HS3ST4: variants seen among roughly 807,000 people sequenced by gnomAD.
HS3ST4 encodes heparan sulfate glucosamine 3-O-sulfotransferase 4.
A neutral mutation model predicts 29.2 loss-of-function variants in HS3ST4; 17 were observed. The observed-to-expected ratio is 0.58, with a 90% CI of 0.40 to 0.87. The LOEUF (loss-of-function observed/expected upper bound fraction) is 0.87. Ranked by LOEUF, HS3ST4 falls within the 40% of genes least tolerant of loss-of-function variation. The pLI is 0.00. For synonymous variants in HS3ST4, 314 were observed against 285.7 expected, an observed-to-expected ratio of 1.10 and a Z score of -1.00; for missense variants, 627 against 634.5, an observed-to-expected ratio of 0.99 and a Z score of 0.13.
At chr16:25,825,298 G>T (rs1421320841) in intron 1 of HS3ST4, 1 of 152,228 alleles carries the variant, frequency 6.6e-6, no homozygotes. Context: ...CTCCAGAACT[G>T]TGAGAGAATT....
intron 1 of HS3ST4, among the ~76,000 whole-genome samples, chr16:25,932,119 G>C (rs983607590): frequency 2.0e-5 from 3 of 152,218 alleles, no homozygotes; most frequent in African/African-American, 7.2e-5. Flanking sequence ...TTCAAGACCA[G>C]ACTGGGCAAT....
At chr16:26,110,714 A>G (rs1899116970) in intron 1 of HS3ST4, among the ~76,000 whole-genome samples, 1 of 152,140 alleles carries the variant, frequency 6.6e-6, no homozygotes. Context: ...TGTAATTCAG[A>G]TCATGACAGT....
At chr16:26,058,669 A>G (rs560762899) in intron 1 of HS3ST4, among the ~76,000 whole-genome samples, 4 of 152,300 alleles carry the variant, frequency 2.6e-5, no homozygotes, top group East Asian at 1.9e-4. Flanking sequence ...AGGCAAATCT[A>G]CTTGGCTAGA....
At chr16:26,004,610 A>G (rs1178611117) in intron 1 of HS3ST4, among the ~76,000 whole-genome samples, 1 of 152,192 alleles carries the variant, frequency 6.6e-6, no homozygotes, top group Non-Finnish European at 1.5e-5. Context: ...CACATATACA[A>G]TAGTGTCATC....
intron 1 of HS3ST4, among the ~76,000 whole-genome samples, chr16:26,049,995 C>G (rs1230125710): frequency 6.6e-6 from 1 of 152,200 alleles, no homozygotes; most frequent in Non-Finnish European, 1.5e-5. Context: ...CATGAGCCCC[C>G]TGAACCCTGC....
chr16:25,891,063 G>A (rs1468940771), intron 1 of HS3ST4, among the ~76,000 whole-genome samples: 2 of 152,138 alleles, frequency 1.3e-5, no homozygotes, highest in African/African-American at 2.4e-5. Context: ...GGTGATGTGA[G>A]GATCTGCCTA....
intron 1 of HS3ST4, among the ~76,000 whole-genome samples, chr16:25,883,036 C>A (rs996872029): frequency 2.0e-5 from 3 of 152,076 alleles, no homozygotes; most frequent in African/African-American, 7.2e-5. Context: ...ACCCTCCTCT[C>A]TGTATTTTTA....
intron 1 of HS3ST4, among the ~76,000 whole-genome samples, chr16:25,849,158 T>G (rs1967493760): frequency 6.6e-6 from 1 of 152,192 alleles, no homozygotes. Flanking sequence ...GCTTTAACAT[T>G]TTTGACTTCT....
At chr16:26,102,764 G>A (rs1033226621) in intron 1 of HS3ST4, among the ~76,000 whole-genome samples, 5 of 152,192 alleles carry the variant, frequency 3.3e-5, no homozygotes, top group South Asian at 2.1e-4. Context: ...ACTGGGTGTT[G>A]GATTCTGTCC....
At chr16:25,947,859 C>T (rs1460508004) in intron 1 of HS3ST4, among the ~76,000 whole-genome samples, 3 of 152,076 alleles carry the variant, frequency 2.0e-5, no homozygotes, top group Non-Finnish European at 4.4e-5. Flanking sequence ...AACTTTCCAG[C>T]TGTGCAAGTG....
At chr16:25,877,573 C>T (rs975283357) in intron 1 of HS3ST4, among the ~76,000 whole-genome samples, 2 of 152,096 alleles carry the variant, frequency 1.3e-5, no homozygotes, top group African/African-American at 4.8e-5. Context: ...TACCTGCAAA[C>T]CAAGGAATGC....
chr16:26,025,005 A>G (rs1969452809), intron 1 of HS3ST4, among the ~76,000 whole-genome samples: 1 of 152,150 alleles, frequency 6.6e-6, no homozygotes, highest in African/African-American at 2.4e-5. Context: ...CATTCTTAGT[A>G]AAGTTACTAA....
chr16:26,081,381 T>C (rs539686189), intron 1 of HS3ST4, among the ~76,000 whole-genome samples: 56 of 152,308 alleles, frequency 3.7e-4, no homozygotes, highest in African/African-American at 1.3e-3. Context: ...GGATTTTGTT[T>C]TTCTAAATAT....
rs114613773 is a variant in HS3ST4 at position 25,764,537 on chromosome 16, A to G, written c.734+71386A>G. On this transcript the variant is annotated intron_variant, in intron 1 of 1. Transcript: ENST00000331351. Reference sequence around the variant, plus strand: ...TGTTTTTTCCCCAAAAGGCAATGCTATCATCACTTTTTCCTGTGCCAGCCA... The same window carrying G: ...TGTTTTTTCCCCAAAAGGCAATGCTGTCATCACTTTTTCCTGTGCCAGCCA... Among the ~76,000 whole-genome samples, 510 of 152,288 alleles carry G rather than the reference A, an allele frequency of 3.3e-3. 4 individuals carry two copies. The highest frequency in any genetic ancestry group is 0.012 in the African/African-American group (489 of 41,566).
intron 1 of HS3ST4, among the ~76,000 whole-genome samples, chr16:26,011,005 C>T (rs1969305095): frequency 6.6e-6 from 1 of 152,118 alleles, no homozygotes; most frequent in South Asian, 2.1e-4. Flanking sequence ...TGAGAGTGCT[C>T]CACACAGTGT....
At chr16:25,811,182 A>AT (rs1330932049) in intron 1 of HS3ST4, among the ~76,000 whole-genome samples, 4 of 151,244 alleles carry the variant, frequency 2.6e-5, no homozygotes, top group East Asian at 3.9e-4. Context: ...TTACATGTGG[A>AT]TTTTTTTTTC....
rs563205193 is a variant in HS3ST4 at position 26,058,504 on chromosome 16, A to G, written c.735-77108A>G. On this transcript the variant is annotated intron_variant, in intron 1 of 1. Transcript: ENST00000331351. ...TGACATGGCTCACAGGCACAGCAGG[A>G]GGTGAACGGCTCTGTGGAGCCTGTG... Among the ~76,000 whole-genome samples, 37 of 152,214 alleles carry G rather than the reference A, an allele frequency of 2.4e-4. 1 individual carries two copies. Among genetic ancestry groups the G allele is most frequent in the Admixed American group, 1.5e-3 (23 of 15,290 alleles).
chr16:25,871,816 G>A (rs986730868), intron 1 of HS3ST4, among the ~76,000 whole-genome samples: 5 of 152,082 alleles, frequency 3.3e-5, no homozygotes, highest in Non-Finnish European at 5.9e-5. Context: ...AAAGGTCCTG[G>A]ATCAGGCTAG....
intron 1 of HS3ST4, among the ~76,000 whole-genome samples, chr16:25,806,375 G>T (rs187781790): frequency 2.6e-5 from 4 of 152,052 alleles, no homozygotes; most frequent in Admixed American, 2.6e-4. Context: ...CAATCCTCGT[G>T]CCTCCATTTT....
Sources: gnomAD v4.1 joint callset for allele counts (sites outside exome capture counted in the v4.1 genomes callset) on GRCh38, gnomAD v4.1.1 for gene constraint, MANE v1.5 for transcripts, NCBI Gene and HGNC (gene_info 2026-07-23, HGNC 2026-07-21) for gene names.